Variants in NRXN3 observed in about 807,000 individuals in gnomAD.
The protein encoded by NRXN3 is neurexin III.
In NRXN3, 32 loss-of-function variants were observed where a neutral mutation model predicts 137.6. The ratio of observed to expected loss-of-function variants is 0.23; its 90% CI spans 0.18 to 0.31. The LOEUF (loss-of-function observed/expected upper bound fraction) is 0.31, where lower values mean the gene tolerates loss of function less well. Ranked by LOEUF, NRXN3 falls within the 10% of genes least tolerant of loss-of-function variation. NRXN3 has a pLI of 1.00. For missense variants in NRXN3, 1,574 were observed against 2,062.5 expected, an observed-to-expected ratio of 0.76 and a Z score of 4.59; for synonymous variants, 798 against 784.5, an observed-to-expected ratio of 1.02 and a Z score of -0.29.
At chr14:78,300,975 G>A (rs1257402945) in intron 4 of NRXN3, among the ~76,000 whole-genome samples, 1 of 152,134 alleles carries the variant, frequency 6.6e-6, no homozygotes, top group Non-Finnish European at 1.5e-5. Context: ...ACGGGGGAGG[G>A]TGTTCTAAGA....
At chr14:78,223,544 G>T (rs150904337) in intron 1 of NRXN3, among the ~76,000 whole-genome samples, 1 of 152,294 alleles carries the variant, frequency 6.6e-6, no homozygotes, top group East Asian at 1.9e-4. Flanking sequence ...GCACCCAGTG[G>T]ATTCAAACAT....
At chr14:79,021,608 T>C (rs2099589770) in intron 15 of NRXN3, among the ~76,000 whole-genome samples, 1 of 152,014 alleles carries the variant, frequency 6.6e-6, no homozygotes, top group African/African-American at 2.4e-5. Context: ...GTGGAGAGGA[T>C]GGGAGTGTGC....
intron 15 of NRXN3, among the ~76,000 whole-genome samples, chr14:79,241,437 G>A (rs1296320952): frequency 6.6e-6 from 1 of 152,164 alleles, no homozygotes; most frequent in Non-Finnish European, 1.5e-5. Context: ...CAAAAGAGAA[G>A]CAAAGGCACA....
chr14:79,534,894 G>A (rs942286775), intron 16 of NRXN3, among the ~76,000 whole-genome samples: 1 of 152,120 alleles, frequency 6.6e-6, no homozygotes, highest in Admixed American at 6.6e-5. Context: ...CTGCGCATGC[G>A]TCACACCATG....
chr14:79,673,352 G>A (rs139896511), intron 17 of NRXN3, among the ~76,000 whole-genome samples: 16 of 152,058 alleles, frequency 1.1e-4, no homozygotes, highest in Non-Finnish European at 1.9e-4. Context: ...TTTACTAAGT[G>A]CCAATGGTAG....
At chr14:79,154,794 T>C (rs2060112633) in intron 15 of NRXN3, among the ~76,000 whole-genome samples, 1 of 151,946 alleles carries the variant, frequency 6.6e-6, no homozygotes, top group Admixed American at 6.6e-5. Flanking sequence ...CTTGATAGTC[T>C]TATGACTATT....
At chr14:79,181,540 G>A (rs371524958) in intron 15 of NRXN3, among the ~76,000 whole-genome samples, 5 of 151,810 alleles carry the variant, frequency 3.3e-5, no homozygotes, top group East Asian at 1.9e-4. Flanking sequence ...AAAATTAGCC[G>A]GGCGGATGAG....
At chr14:78,296,927 C>T (rs1390848220) in intron 3 of NRXN3, among the ~76,000 whole-genome samples, 2 of 152,088 alleles carry the variant, frequency 1.3e-5, no homozygotes, top group Non-Finnish European at 2.9e-5. Flanking sequence ...AGAACCAATA[C>T]AAGAGCAGAT....
intron 20 of NRXN3, among the ~76,000 whole-genome samples, chr14:79,827,429 A>G (rs563979540): frequency 6.6e-6 from 1 of 152,314 alleles, no homozygotes; most frequent in East Asian, 1.9e-4. Context: ...GGGAGCAGCA[A>G]CTGTCTCACA....
At chr14:79,613,195 A>G (rs558689777) in intron 16 of NRXN3, among the ~76,000 whole-genome samples, 6 of 152,254 alleles carry the variant, frequency 3.9e-5, no homozygotes, top group Admixed American at 3.9e-4. Context: ...GCCAGAACAC[A>G]AAGATAAAAA....
At chr14:79,557,690 C>G (rs552263394) in intron 16 of NRXN3, among the ~76,000 whole-genome samples, 20 of 152,134 alleles carry the variant, frequency 1.3e-4, no homozygotes, top group Non-Finnish European at 1.9e-4. Context: ...TTCAGAGAGT[C>G]ATAACCTTTT....
At chr14:79,757,763 A>T (rs1194417363) in intron 19 of NRXN3, among the ~76,000 whole-genome samples, 1 of 152,150 alleles carries the variant, frequency 6.6e-6, no homozygotes, top group Non-Finnish European at 1.5e-5. Context: ...CTTATGTGAG[A>T]TGAAGGATTA....
intron 15 of NRXN3, among the ~76,000 whole-genome samples, chr14:79,231,599 T>A (rs2072213799): frequency 6.6e-6 from 1 of 152,136 alleles, no homozygotes; most frequent in Non-Finnish European, 1.5e-5. Flanking sequence ...ACTTAAGGAC[T>A]AAGGTTACCA....
chr14:78,931,752 G>A (rs922539724), intron 10 of NRXN3, among the ~76,000 whole-genome samples: 3 of 152,262 alleles, frequency 2.0e-5, no homozygotes, highest in Non-Finnish European at 4.4e-5. Context: ...AGTGCCAAAG[G>A]GGAGAGGAAT....
chr14:78,681,876 T>C lies in NRXN3; in HGVS notation c.1222-27341T>C, dbSNP rs538482988. ...CTCGGTTTTGTTTTTTTTGTTGTTG[T>C]TGCTGTTGTTTTATGGGAGTCTTGC... On this transcript the variant is annotated intron_variant, in intron 6 of 20. Coordinates refer to ENST00000335750, the MANE Select transcript of NRXN3 (RefSeq NM_001330195.2). 1.4e-4 allele frequency among the ~76,000 whole-genome samples: 22 copies of C among 152,234 alleles called. No individual in the cohort carries two copies. The Middle Eastern group carries it at 0.017, about 118-fold the overall frequency.
intron 10 of NRXN3, among the ~76,000 whole-genome samples, chr14:78,832,315 A>G (rs1026360645): frequency 4.6e-5 from 7 of 152,232 alleles, no homozygotes; most frequent in African/African-American, 1.7e-4. Context: ...AAAGAAAGAA[A>G]TAATTCCAGA....
At chr14:79,549,810 A>G (rs997602882) in intron 16 of NRXN3, among the ~76,000 whole-genome samples, 1 of 152,054 alleles carries the variant, frequency 6.6e-6, no homozygotes, top group African/African-American at 2.4e-5. Flanking sequence ...CCCAAATTCT[A>G]TTGAGCCACA....
intron 10 of NRXN3, among the ~76,000 whole-genome samples, chr14:78,870,167 A>G (rs1189368647): frequency 2.6e-5 from 4 of 152,184 alleles, no homozygotes; most frequent in African/African-American, 9.6e-5. Context: ...TGCTAAAACC[A>G]GATTTTACAA....
chr14:79,705,672 C>T (rs182013189), intron 19 of NRXN3, among the ~76,000 whole-genome samples: 1 of 152,060 alleles, frequency 6.6e-6, no homozygotes, highest in African/African-American at 2.4e-5. Context: ...CCTGCAGCAG[C>T]CCTTCCCTGC....
Sources: gnomAD v4.1 joint callset for allele counts (sites outside exome capture counted in the v4.1 genomes callset) on GRCh38, gnomAD v4.1.1 for gene constraint, MANE v1.5 for transcripts, NCBI Gene and HGNC (gene_info 2026-07-23, HGNC 2026-07-21) for gene names.